The following IFT46 variants were observed in gnomAD, a reference collection of about 807,000 sequenced individuals.
The protein encoded by IFT46 is intraflagellar transport 46, also known as intraflagellar transport protein 46 homolog.
IFT46 carries 19 observed loss-of-function variants against 39.6 expected under a neutral mutation model. That is an observed-to-expected ratio of 0.48 (90% CI 0.33 to 0.70). The LOEUF (loss-of-function observed/expected upper bound fraction) is 0.70, where lower values mean the gene tolerates loss of function less well. Ranked by LOEUF, IFT46 falls within the 30% of genes least tolerant of loss-of-function variation. IFT46 has a pLI of 0.01. For missense variants in IFT46, 334 were observed against 364.8 expected (o/e 0.92, Z 0.69); for synonymous variants, 117 against 134.8 (o/e 0.87, Z 0.91).
At chr11:118,551,940 G>T in intron 8 of IFT46, 88 bp from the exon 9 acceptor site, 1 of 1,320,978 alleles carries the variant, frequency 7.6e-7, no homozygotes, top group Non-Finnish European at 1.1e-6. Flanking sequence ...ATGAAGGAGA[G>T]GTCTTCAATC....
rs375629023 is a variant in IFT46, at chr11:118,555,188, T to C, written c.260+60A>G. On this transcript the variant is annotated intron_variant, in intron 5 of 11. Coordinates refer to ENST00000264021, the MANE Select transcript of IFT46 (RefSeq NM_001168618.2). Reference sequence around the variant, plus strand: ...GAATGGCCCTGTTTCAGACTAGAGATAGGAAAGGTTTGGGGCAAGGTAGGG... The same window carrying C: ...GAATGGCCCTGTTTCAGACTAGAGACAGGAAAGGTTTGGGGCAAGGTAGGG... 175 of 1,549,936 alleles carry C rather than the reference T, an allele frequency of 1.1e-4. No homozygotes were observed. In the African/African-American group the frequency reaches 2.1e-3, roughly 19 times the overall value.
intron 5 of IFT46, 27 bp downstream of exon 5, chr11:118,555,221 G>A (rs782604953): frequency 4.4e-5 from 70 of 1,589,874 alleles, no homozygotes; most frequent in Non-Finnish European, 5.9e-5. Context: ...GGGATAGTGG[G>A]GTATGGTGGG....
chr11:118,576,436 A>C (rs868967886), upstream of IFT46, among the ~76,000 whole-genome samples: 5 of 146,114 alleles, frequency 3.4e-5, no homozygotes, highest in Middle Eastern at 3.6e-3. Context: ...TAAAAAAAAA[A>C]AAAAAAAAAA....
chr11:118,558,468 G>A (rs1007698064), intron 3 of IFT46, among the ~76,000 whole-genome samples: 13 of 152,076 alleles, frequency 8.5e-5, no homozygotes, highest in Admixed American at 6.6e-5. Flanking sequence ...GGTGGCGCAC[G>A]CCTGTAATCC....
At chr11:118,557,982 G>T in intron 3 of IFT46, 2 of 1,128,684 alleles carry the variant, frequency 1.8e-6, no homozygotes, top group African/African-American at 1.6e-5. Flanking sequence ...TAACACGTTT[G>T]ATTCCAGTTG....
rs75874728 is a variant in IFT46, at chr11:118,551,734, C to G, written c.672+52G>C. 2.3e-4 allele frequency: 310 copies of G among 1,352,936 alleles called. 4 individuals carry two copies. In the African/African-American group the frequency reaches 4.1e-3, roughly 18 times the overall value. The allele number at this position is 1,352,936 out of a possible 1,614,324, so 83.8% of individuals were successfully genotyped here. A position where few individuals can be genotyped will look rare whatever the true frequency, so the allele number is the denominator to read the frequency against. ...GGAGGAAGAGAAAAAACACTGGGCC[C>G]TGGAGCGAATACTGTACTTTCTTAC... On this transcript the variant is annotated intron_variant, in intron 9 of 11. Transcript: ENST00000264021.
upstream of IFT46, among the ~76,000 whole-genome samples, chr11:118,569,391 G>A (rs1026680755): frequency 7.3e-5 from 11 of 150,300 alleles, no homozygotes; most frequent in Non-Finnish European, 1.3e-4. Context: ...TCAGGAGTTC[G>A]AGACCAGCCT....
At chr11:118,557,934 A>C in intron 3 of IFT46, 1 of 1,529,838 alleles carries the variant, frequency 6.5e-7, no homozygotes, top group Non-Finnish European at 8.8e-7. Context: ...AGGTTTTCAA[A>C]ACTTGGTTTC....
intron 9 of IFT46, among the ~76,000 whole-genome samples, chr11:118,548,490 G>A (rs1178284206): frequency 6.7e-6 from 1 of 149,798 alleles, no homozygotes; most frequent in Non-Finnish European, 1.5e-5. Context: ...TCAGTCTTCC[G>A]AGTAGCTGGG....
intron 3 of IFT46, chr11:118,557,976 A>C: frequency 8.5e-7 from 1 of 1,182,268 alleles, no homozygotes; most frequent in Non-Finnish European, 1.2e-6. Context: ...TGAGGTTAAC[A>C]CGTTTGATTC....
chr11:118,574,139 A>G (rs1555073015), upstream of IFT46, among the ~76,000 whole-genome samples: 1 of 152,196 alleles, frequency 6.6e-6, no homozygotes, highest in Non-Finnish European at 1.5e-5. Flanking sequence ...TGACATGTGT[A>G]CGTATACATA....
rs542576425 is a variant in IFT46 at position 118,562,104 on chromosome 11, G to A, written c.-35-2240C>T. 1.4e-3 allele frequency among the ~76,000 whole-genome samples: 216 copies of A among 152,056 alleles called. 1 individual carries two copies. The highest frequency in any genetic ancestry group is 1.9e-3 in the Non-Finnish European group (127 of 67,958). The stretch of plus-strand genomic sequence containing the variant: ...AGCCTGGCCAACATGGTGAAACCCC[G>A]TCTCTACTAAAAATACAAAAAAATT... On this transcript the variant is annotated intron_variant, in intron 2 of 11. Coordinates refer to ENST00000264021, the MANE Select transcript of IFT46 (RefSeq NM_001168618.2).
chr11:118,557,204 C>G, intron 3 of IFT46, 159 bp from the exon 4 acceptor site: 3 of 558,394 alleles, frequency 5.4e-6, no homozygotes, highest in Non-Finnish European at 8.8e-6. Context: ...GAGCCTTCTT[C>G]TGCCCCTGCT....
chr11:118,565,356 C>T (rs73023329), intron 1 of IFT46, among the ~76,000 whole-genome samples: 4,799 of 149,348 alleles, frequency 0.032, 97 homozygotes, highest in Middle Eastern at 0.061. Flanking sequence ...CGACCACGCG[C>T]AAGGGCAGAA....
At chr11:118,555,878 G>A (rs141920678) in intron 4 of IFT46, among the ~76,000 whole-genome samples, 1,719 of 150,006 alleles carry the variant, frequency 0.011, 30 homozygotes, top group African/African-American at 0.038. Flanking sequence ...AGCCAAGATC[G>A]CACCACTGCA....
Position 118,565,144 on chromosome 11 carries a change from G to A in IFT46, c.-132-83C>T, listed in dbSNP as rs183366646. Reference sequence around the variant, plus strand: ...AGGAGGTATATTCCAAACCAGCATTGGCTCCTCTTCCTTACTCAAGAAACC... The same window carrying A: ...AGGAGGTATATTCCAAACCAGCATTAGCTCCTCTTCCTTACTCAAGAAACC... On this transcript the variant is annotated intron_variant, in intron 1 of 11. Transcript: ENST00000264021. The A allele has an allele frequency of 3.1e-4, 48 of 152,498 alleles. 1 individual carries two copies. The highest frequency in any genetic ancestry group is 2.4e-3 in the Admixed American group (36 of 15,266). 9.4% of individuals were successfully genotyped at this position (152,498 alleles called of 1,614,324 possible). A position where few individuals can be genotyped will look rare whatever the true frequency, so the allele number is the denominator to read the frequency against.
chr11:118,556,277 G>A (rs1180274468), intron 4 of IFT46, among the ~76,000 whole-genome samples: 1 of 152,180 alleles, frequency 6.6e-6, no homozygotes, highest in Admixed American at 6.5e-5. Flanking sequence ...GGATCACGAG[G>A]TCAGGAGATC....
In IFT46 at chr11:118,556,949, C is replaced by G; in HGVS notation, c.142G>C (p.Asp48His). Residue 48 changes from aspartate to histidine, a missense_variant, in exon 4 of 12, where the codon GAT becomes CAT. Transcript: ENST00000264021. The stretch of plus-strand genomic sequence containing the variant: ...TGCTCTTCATCATCATCATCAGAAT[C>G]AGAATCAGTTTCAGATGAATCATCA... ...DDDDSSETDS[D>H]SDDDDEEHGA... The G allele has an allele frequency of 2.5e-6, 4 of 1,609,744 alleles. No homozygotes were observed. Among genetic ancestry groups the G allele is most frequent in the Non-Finnish European group, 3.4e-6 (4 of 1,177,624 alleles).
chr11:118,546,429 T>C, intron 9 of IFT46: 2 of 413,126 alleles, frequency 4.8e-6, no homozygotes, highest in South Asian at 5.7e-5. Flanking sequence ...AGGTTGAGGC[T>C]GCAGTGAGCT....
Sources: allele counts gnomAD v4.1 joint callset (sites outside exome capture counted in the v4.1 genomes callset), GRCh38; gene constraint gnomAD v4.1.1; transcripts MANE v1.5; gene names NCBI Gene and HGNC (gene_info 2026-07-23, HGNC 2026-07-21).